Variants in NOTCH3 observed in about 807,000 individuals in gnomAD.
NOTCH3 encodes the protein neurogenic locus notch homolog protein 3.
Under a neutral mutation model 213.3 loss-of-function variants are expected in NOTCH3, and 86 were observed. The observed-to-expected ratio is 0.40, with a 90% CI of 0.34 to 0.48. The LOEUF is 0.48. NOTCH3 is among the 20% of genes least tolerant of loss of function. The pLI is 0.57. For missense variants in NOTCH3, 2,783 were observed against 3,272.6 expected, an observed-to-expected ratio of 0.85 and a Z score of 3.65; for synonymous variants, 1,354 against 1,355.9, an observed-to-expected ratio of 1.00 and a Z score of 0.03.
chr19:15,189,201 G>A, intron 7 of NOTCH3, 27 bp from the exon 8 acceptor site: 1 of 1,613,248 alleles, frequency 6.2e-7, no homozygotes, highest in Non-Finnish European at 8.5e-7. Flanking sequence ...GATCGGTGTG[G>A]GCGTGGCTGG....
At chr19:15,183,383 T>TG (rs1491333624) in intron 16 of NOTCH3, among the ~76,000 whole-genome samples, 26 of 129,270 alleles carry the variant, frequency 2.0e-4, no homozygotes, top group East Asian at 2.2e-4. Context: ...GCAGCACCCC[T>TG]TTTTGTTTGT....
chr19:15,188,282 C>G lies in NOTCH3; in HGVS notation c.1445G>C (p.Gly482Ala). The G allele has an allele frequency of 6.2e-7, 1 of 1,607,168 alleles. No homozygotes were observed. Residue 482 changes from glycine to alanine, a missense_variant, in exon 9 of 33, where the codon GGG becomes GCG. Physicochemically the swap from Gly to Ala is moderately conservative, Grantham distance 60. This residue lies in a region of NOTCH3 where 708 missense variants were observed against 906.6 expected (regional missense o/e 0.78). Coordinates refer to ENST00000263388, the MANE Select transcript of NOTCH3 (RefSeq NM_000435.3). Reference protein sequence around the residue: ...ECQSSPCVNGGVCKDRVNGFS... With the variant: ...ECQSSPCVNGAVCKDRVNGFS... ...GCCATTGACTCGGTCCTTGCAGACC[C>G]CACCGTTGACACAGGGGCTACTCTG...
At chr19:15,184,697 C>G (rs1457302567) in intron 15 of NOTCH3, among the ~76,000 whole-genome samples, 1 of 152,156 alleles carries the variant, frequency 6.6e-6, no homozygotes, top group Non-Finnish European at 1.5e-5. Context: ...GCCCTAAGTC[C>G]CAGCATCTCT....
At position 15,197,540 on chromosome 19, in the gene NOTCH3, C is replaced by T. The variant is rs778989879; in HGVS notation, c.157G>A (p.Gly53Ser). The T allele has an allele frequency of 3.1e-6, 5 of 1,612,004 alleles. No homozygotes were observed. In the East Asian group the frequency reaches 8.9e-5, roughly 29 times the overall value. Residue 53 changes from glycine (G) to serine (S), a missense_variant, in exon 2 of 33, where the codon GGT (glycine) becomes AGT (serine). Gly to Ser is a moderately conservative substitution (Grantham distance 56, BLOSUM62 0). Coordinates refer to ENST00000263388, the MANE Select transcript of NOTCH3 (RefSeq NM_000435.3). ...CGGGAGGGCAGCTGGGTGCAACGAC[C>T]TCCATTTGCACACGGGCTTCCGTCC... Reference protein sequence around the residue: ...CLDGSPCANGGRCTQLPSREA... With the variant: ...CLDGSPCANGSRCTQLPSREA...
chr19:15,176,590 C>A (rs1336913280), intron 24 of NOTCH3, among the ~76,000 whole-genome samples: 1 of 151,762 alleles, frequency 6.6e-6, no homozygotes, highest in Non-Finnish European at 1.5e-5. Context: ...GGCGAAACCC[C>A]ATCTCTAAGA....
rs922098906 is a variant in NOTCH3 at position 15,187,153 on chromosome 19, G to A, written c.1792C>T (p.Leu598=). ...CAGAGGTACTTGTCCACCAGGTCTA[G>A]GCATTTGCCGCCATGGCGGCAGGGC... The part of the protein sequence containing the change: ...SQPCRHGGKC[L]DLVDKYLCRC... The change falls in exon 11 of 33, where the codon CTA becomes TTA. Residue 598 remains leucine (L), a synonymous_variant. Coordinates refer to ENST00000263388, the MANE Select transcript of NOTCH3 (RefSeq NM_000435.3). 7 of 1,614,182 alleles carry A rather than the reference G, an allele frequency of 4.3e-6. No homozygotes were observed. The highest frequency in any genetic ancestry group is 1.7e-5 in the Admixed American group (1 of 60,032).
At position 15,160,410 on chromosome 19, in the gene NOTCH3, G is replaced by C; in HGVS notation, c.*252C>G. The C allele has an allele frequency of 1.8e-6, 1 of 541,842 alleles. No homozygotes were observed. Among genetic ancestry groups the C allele is most frequent in the Non-Finnish European group, 3.3e-6 (1 of 303,222 alleles). 33.6% of individuals were successfully genotyped at this position (541,842 alleles called of 1,614,324 possible). A position where few individuals can be genotyped will look rare whatever the true frequency, so the allele number is the denominator to read the frequency against. Reference sequence around the variant, plus strand: ...GAAAGGAATGAGGGAAGAGAGAAGTGGGGAAGAAGGAGGTCCCAGACTCTT... The same window carrying C: ...GAAAGGAATGAGGGAAGAGAGAAGTCGGGAAGAAGGAGGTCCCAGACTCTT... On this transcript the variant is annotated 3_prime_UTR_variant, in exon 33 of 33. Transcript: ENST00000263388.
chr19:15,176,695 A>G (rs2046792323), intron 24 of NOTCH3, among the ~76,000 whole-genome samples: 1 of 142,648 alleles, frequency 7.0e-6, no homozygotes, highest in Non-Finnish European at 1.5e-5. Flanking sequence ...CCCAGGAGGT[A>G]GAGATTGCAC....
rs2046646699 is a variant in NOTCH3, at chr19:15,161,817, A to G, written c.5914-103T>C. ...CGAGAGCTATGAGTTTGTACACTGG[A>G]GCTTGACAGACCTGGGTTAAATCCC... On this transcript the variant is annotated intron_variant, in intron 32 of 32. Transcript: ENST00000263388. The G allele has an allele frequency of 1.2e-5, 12 of 972,766 alleles. No individual in the cohort carries two copies. In the South Asian group the frequency reaches 1.4e-4, roughly 12 times the overall value. 60.3% of individuals were successfully genotyped at this position (972,766 alleles called of 1,614,324 possible). A position where few individuals can be genotyped will look rare whatever the true frequency, so the allele number is the denominator to read the frequency against.
rs1206256945 is a variant in NOTCH3, at chr19:15,187,110, G to A, written c.1835C>T (p.Thr612Ile). The A allele has an allele frequency of 1.6e-5, 26 of 1,613,788 alleles. No homozygotes were observed. Among genetic ancestry groups the A allele is most frequent in the Non-Finnish European group, 2.2e-5 (26 of 1,179,856 alleles). ...GCCCCAGCCCCCGGTCCCACCTGTG[G>A]TCCCAGAAGGGCAGCGGCAGAGGTA... The part of the protein sequence containing the change: ...DKYLCRCPSG[T>I]TGVNCEVNID... Residue 612 changes from threonine (T) to isoleucine (I), a missense_variant, in exon 11 of 33, where the codon ACC becomes ATC. Transcript: ENST00000263388.
chr19:15,193,630 G>C (rs1019483223), intron 2 of NOTCH3, among the ~76,000 whole-genome samples: 1 of 151,620 alleles, frequency 6.6e-6, no homozygotes, highest in African/African-American at 2.4e-5. Context: ...TTATAACCGG[G>C]CATGGTGGCA....
chr19:15,198,733 A>G (rs1179420760), intron 1 of NOTCH3, among the ~76,000 whole-genome samples: 1 of 152,060 alleles, frequency 6.6e-6, no homozygotes, highest in Non-Finnish European at 1.5e-5. Flanking sequence ...CCTGGGCAAC[A>G]AGAGCCAAAC....
chr19:15,170,203 G>T, intron 27 of NOTCH3, 33 bp from the exon 28 acceptor site: 1 of 1,536,804 alleles, frequency 6.5e-7, no homozygotes. Flanking sequence ...GATGTGAGGG[G>T]GACACTAGAG....
At chr19:15,178,115 G>T in intron 23 of NOTCH3, 25 bp from the exon 24 acceptor site, 1 of 1,476,580 alleles carries the variant, frequency 6.8e-7, no homozygotes, top group African/African-American at 1.4e-5. Flanking sequence ...TGGGGAGGGA[G>T]GGATAAAAAT....
rs1362974162 is a variant in NOTCH3, at chr19:15,174,282, G to A, written c.4522C>T (p.Leu1508=). 2 of 1,562,430 alleles carry A rather than the reference G, an allele frequency of 1.3e-6. No individual in the cohort carries two copies. The highest frequency in any genetic ancestry group is 4.8e-5 in the East Asian group (2 of 41,720). ...GTGAGCACCAGCACGCCGCGGGCCA[G>A]CAGGGCCGGCACCTCGCTGGCACAA... ...LDCASEVPAL[L]ARGVLVLTVL... The change falls in exon 25 of 33, where the codon CTG becomes TTG. Residue 1508 remains leucine (L), a synonymous_variant. Coordinates refer to ENST00000263388, the MANE Select transcript of NOTCH3 (RefSeq NM_000435.3).
At position 15,200,780 on chromosome 19, in the gene NOTCH3, C is replaced by A; in HGVS notation, c.118+8G>T. The A allele has an allele frequency of 7.7e-7, 1 of 1,292,440 alleles. No homozygotes were observed. Among genetic ancestry groups the A allele is most frequent in the Non-Finnish European group, 9.9e-7 (1 of 1,014,486 alleles). The allele number at this position is 1,292,440 out of a possible 1,614,324, so 80.1% of individuals were successfully genotyped here. A position where few individuals can be genotyped will look rare whatever the true frequency, so the allele number is the denominator to read the frequency against. ...CCTCGTCCCATCCGCCAGGTCCCGGCCCCTCACCTGCAGCCCCCGGCCCCG... is the reference window on the plus strand; with the variant it reads ...CCTCGTCCCATCCGCCAGGTCCCGGACCCTCACCTGCAGCCCCCGGCCCCG... On this transcript the variant is annotated splice_region_variant and intron_variant, in intron 1 of 32. Coordinates refer to ENST00000263388, the MANE Select transcript of NOTCH3 (RefSeq NM_000435.3).
chr19:15,179,715 C>T, intron 20 of NOTCH3: 1 of 602,900 alleles, frequency 1.7e-6, no homozygotes, highest in Non-Finnish European at 3.0e-6. Flanking sequence ...AACCCTGTCA[C>T]TATGAAAAAT....
At position 15,184,366 on chromosome 19, in the gene NOTCH3, C is replaced by T. The variant is rs2046864368; in HGVS notation, c.2495G>A (p.Ser832Asn). ...CCCTCCATGGCAGGTGCAGCTGAAACTCCCTGCCAGGTTGGTGCAGATACC... is the reference window on the plus strand; with the variant it reads ...CCCTCCATGGCAGGTGCAGCTGAAATTCCCTGCCAGGTTGGTGCAGATACC... ...PHGICTNLAGSFSCTCHGGYT... is the reference protein window; with the variant it reads ...PHGICTNLAGNFSCTCHGGYT... The change falls in exon 16 of 33, where the codon AGT becomes AAT. Residue 832 changes from serine (S) to asparagine (N), a missense_variant. This residue lies in a region of NOTCH3 where 861 missense variants were observed against 909.1 expected (regional missense o/e 0.95). Transcript: ENST00000263388. 3.7e-6 allele frequency: 6 copies of T among 1,613,880 alleles called. No homozygotes were observed. The East Asian group carries it at 1.3e-4, about 36-fold the overall frequency.
intron 25 of NOTCH3, among the ~76,000 whole-genome samples, chr19:15,172,323 TTTTATATC>T (rs1393992592): frequency 6.6e-6 from 1 of 152,146 alleles, no homozygotes; most frequent in Non-Finnish European, 1.5e-5. Flanking sequence ...TCATCAACAC[TTTTATATC>T]TTTCTTGTTT....
Sources: gnomAD v4.1 joint callset for allele counts (sites outside exome capture counted in the v4.1 genomes callset) on GRCh38, gnomAD v4.1.1 for gene constraint, gnomAD v4.1.1 regional missense constraint, MANE v1.5 for transcripts, NCBI Gene and HGNC (gene_info 2026-07-23, HGNC 2026-07-21) for gene names.